The following IL19 variants were observed in gnomAD, a reference collection of about 807,000 sequenced individuals.
IL19 encodes the protein interleukin-19.
Under a neutral mutation model 19.5 loss-of-function variants are expected in IL19, and 15 were observed. That is an observed-to-expected ratio of 0.77 (90% confidence interval 0.52 to 1.19). The LOEUF (loss-of-function observed/expected upper bound fraction) is 1.19, where lower values mean the gene tolerates loss of function less well. IL19 is among the 50% of genes most tolerant of loss of function. The pLI is 0.00. For missense variants in IL19, 199 were observed against 213.1 expected, an observed-to-expected ratio of 0.93 and a Z score of 0.41; for synonymous variants, 78 against 78.3, an observed-to-expected ratio of 1.00 and a Z score of 0.02.
intron 2 of IL19, 49 bp downstream of exon 2, chr1:206,799,055 G>C: frequency 8.2e-7 from 1 of 1,226,012 alleles, no homozygotes; most frequent in Middle Eastern, 1.9e-4. Flanking sequence ...CATTCTCTGG[G>C]ACCAGAGATA....
intron 2 of IL19, among the ~76,000 whole-genome samples, chr1:206,822,256 A>G (rs1427605144): frequency 2.6e-5 from 4 of 152,222 alleles, no homozygotes; most frequent in Non-Finnish European, 5.9e-5. Context: ...TAGAAGGGCT[A>G]AGAAGCAAGA....
At chr1:206,838,555 C>T (rs1318774969) in intron 4 of IL19, among the ~76,000 whole-genome samples, 1 of 152,104 alleles carries the variant, frequency 6.6e-6, no homozygotes, top group African/African-American at 2.4e-5. Flanking sequence ...ATTCCAAAAC[C>T]ATCATTTTCA....
intron 1 of IL19, among the ~76,000 whole-genome samples, chr1:206,797,389 G>A (rs1355589710): frequency 1.3e-5 from 2 of 152,004 alleles, no homozygotes; most frequent in Non-Finnish European, 2.9e-5. Context: ...GGCACCAGAG[G>A]GTTTCCACAT....
At chr1:206,812,142 G>A (rs752243844) in intron 2 of IL19, among the ~76,000 whole-genome samples, 11 of 152,196 alleles carry the variant, frequency 7.2e-5, no homozygotes, top group Non-Finnish European at 1.0e-4. Context: ...CTACATTACA[G>A]GATGTAGATT....
chr1:206,787,934 C>T (rs1242786481), intron 1 of IL19, among the ~76,000 whole-genome samples: 1 of 152,180 alleles, frequency 6.6e-6, no homozygotes, highest in Non-Finnish European at 1.5e-5. Context: ...CATCAGGTCT[C>T]GCTTTCCTTT....
At position 206,789,906 on chromosome 1, in the gene IL19, C is replaced by T. The variant is rs185679844; in HGVS notation, c.-148-8955C>T. Among the ~76,000 whole-genome samples, 3 of 152,180 alleles carry T rather than the reference C, an allele frequency of 2.0e-5. No individual in the cohort carries two copies. In the South Asian group the frequency reaches 6.2e-4, roughly 32 times the overall value. On this transcript the variant is annotated intron_variant, in intron 1 of 6. Coordinates refer to ENST00000659997, the MANE Select transcript of IL19 (RefSeq NM_153758.5). ...TTCATGTCCCTGCAAAGGATATGAT[C>T]TCATTCTTTTTTCACTAATTTGTTG... is the stretch of plus-strand genomic sequence containing the variant.
At chr1:206,822,961 ACT>A (rs1160191221) in intron 2 of IL19, among the ~76,000 whole-genome samples, 2 of 149,562 alleles carry the variant, frequency 1.3e-5, no homozygotes, top group Non-Finnish European at 3.0e-5. Flanking sequence ...ATGAAGTCTC[ACT>A]CTGTTGCCTG....
At chr1:206,787,276 C>T (rs1483335301) in intron 1 of IL19, among the ~76,000 whole-genome samples, 1 of 152,150 alleles carries the variant, frequency 6.6e-6, no homozygotes, top group African/African-American at 2.4e-5. Flanking sequence ...ACTGAGATTT[C>T]ATTTTTAAAA....
chr1:206,795,283 C>A (rs1392860597), intron 1 of IL19, among the ~76,000 whole-genome samples: 2 of 152,210 alleles, frequency 1.3e-5, no homozygotes, highest in Non-Finnish European at 2.9e-5. Context: ...ACCAAGCCCA[C>A]CTTCTTGAAC....
chr1:206,797,125 C>A (rs4845140), intron 1 of IL19, among the ~76,000 whole-genome samples: 10 of 152,084 alleles, frequency 6.6e-5, no homozygotes, highest in Non-Finnish European at 1.3e-4. Context: ...GACTTTGCTG[C>A]GGGACAGGAT....
At chr1:206,779,237 G>A (rs1333557175) in intron 1 of IL19, among the ~76,000 whole-genome samples, 1 of 152,120 alleles carries the variant, frequency 6.6e-6, no homozygotes, top group African/African-American at 2.4e-5. Context: ...CAAAGAAAAT[G>A]CTAAACCATC....
chr1:206,794,327 G>T (rs1310179210), intron 1 of IL19, among the ~76,000 whole-genome samples: 1 of 152,128 alleles, frequency 6.6e-6, no homozygotes, highest in African/African-American at 2.4e-5. Flanking sequence ...AATGCGTGGT[G>T]GTTTATTTCA....
At chr1:206,837,636 G>A (rs1041931620) in intron 4 of IL19, among the ~76,000 whole-genome samples, 7 of 40,664 alleles carry the variant, frequency 1.7e-4, no homozygotes, top group African/African-American at 3.0e-4. Flanking sequence ...GATTGCTTGA[G>A]ATCGGGGCTT....
At chr1:206,830,590 T>TAC (rs1176881340) in intron 2 of IL19, among the ~76,000 whole-genome samples, 1 of 151,950 alleles carries the variant, frequency 6.6e-6, no homozygotes, top group Non-Finnish European at 1.5e-5. Context: ...TATATATATA[T>TAC]ATATTTGAGA....
chr1:206,805,617 A>C (rs1180998117), intron 2 of IL19, among the ~76,000 whole-genome samples: 3 of 152,262 alleles, frequency 2.0e-5, no homozygotes, highest in African/African-American at 7.2e-5. Flanking sequence ...GTAAAAGGCA[A>C]ACTGAAGATA....
chr1:206,797,674 C>T (rs996777061), intron 1 of IL19, among the ~76,000 whole-genome samples: 1 of 152,222 alleles, frequency 6.6e-6, no homozygotes, highest in Non-Finnish European at 1.5e-5. Flanking sequence ...CAGACCTACT[C>T]TTATCACTCA....
At chr1:206,813,248 T>G (rs1044829476) in intron 2 of IL19, among the ~76,000 whole-genome samples, 1 of 152,248 alleles carries the variant, frequency 6.6e-6, no homozygotes, top group Admixed American at 6.5e-5. Flanking sequence ...GGGCACTAGC[T>G]GGAGACTTCA....
chr1:206,787,840 C>G lies in IL19; in HGVS notation c.-148-11021C>G, dbSNP rs185681972. ...GGACTAGGATCCAGGAGTTTCTCCT[C>G]TCCAGCCATGCCACATACCACCAAG... On this transcript the variant is annotated intron_variant, in intron 1 of 6. Transcript: ENST00000659997. Among the ~76,000 whole-genome samples the G allele has an allele frequency of 2.7e-3, 415 of 152,260 alleles. 2 individuals are homozygous for G. Among genetic ancestry groups the G allele is most frequent in the African/African-American group, 9.6e-3 (400 of 41,532 alleles).
intron 1 of IL19, among the ~76,000 whole-genome samples, chr1:206,778,014 C>T (rs1005370756): frequency 6.6e-6 from 1 of 152,206 alleles, no homozygotes; most frequent in South Asian, 2.1e-4. Flanking sequence ...GCTTTCCTGA[C>T]ATTGGCTTTG....
Sources: gnomAD v4.1 joint callset for allele counts (sites outside exome capture counted in the v4.1 genomes callset) on GRCh38, gnomAD v4.1.1 for gene constraint, MANE v1.5 for transcripts, NCBI Gene and HGNC (gene_info 2026-07-23, HGNC 2026-07-21) for gene names.